Variants in PAPPA2 observed in about 807,000 individuals in gnomAD.
PAPPA2 encodes the protein pappalysin 2.
A neutral mutation model predicts 176.4 loss-of-function variants in PAPPA2; 86 were observed. The ratio of observed to expected loss-of-function variants is 0.49; its 90% CI spans 0.41 to 0.58. The LOEUF is 0.58. Among genes scored for constraint, PAPPA2 ranks in the 20% least tolerant of loss-of-function variants. The pLI is 0.00. For synonymous variants in PAPPA2, 809 were observed against 852.2 expected, an observed-to-expected ratio of 0.95 and a Z score of 0.88; for missense variants, 2,073 against 2,256.9, an observed-to-expected ratio of 0.92 and a Z score of 1.65.
chr1:176,821,199 C>A (rs1476722254), intron 21 of PAPPA2, among the ~76,000 whole-genome samples: 1 of 152,124 alleles, frequency 6.6e-6, no homozygotes, highest in African/African-American at 2.4e-5. Flanking sequence ...ATCAGAAATT[C>A]CCATCACAGT....
chr1:176,506,412 A>T (rs929588957), intron 1 of PAPPA2, among the ~76,000 whole-genome samples: 3 of 152,026 alleles, frequency 2.0e-5, no homozygotes, highest in Admixed American at 1.3e-4. Context: ...GTTTGACAAA[A>T]ATAGCACTAA....
At chr1:176,634,264 T>G (rs2102713537) in intron 3 of PAPPA2, among the ~76,000 whole-genome samples, 1 of 152,222 alleles carries the variant, frequency 6.6e-6, no homozygotes, top group African/African-American at 2.4e-5. Flanking sequence ...TATGCAGCCA[T>G]AAAATGATGA....
intron 7 of PAPPA2, 126 bp from the exon 8 acceptor site, chr1:176,698,974 A>T (rs370454176): frequency 1.6e-6 from 2 of 1,269,734 alleles, no homozygotes. Flanking sequence ...ACCTGCTAAG[A>T]TGACCAACTT....
intron 21 of PAPPA2, among the ~76,000 whole-genome samples, chr1:176,822,328 T>C (rs61821287): frequency 0.021 from 3,263 of 152,282 alleles, 48 homozygotes; most frequent in Non-Finnish European, 0.033. Context: ...TTAAAAGCAG[T>C]GAGGAACATC....
intron 14 of PAPPA2, among the ~76,000 whole-genome samples, chr1:176,756,012 A>G (rs910699166): frequency 6.6e-6 from 1 of 152,146 alleles, no homozygotes; most frequent in South Asian, 2.1e-4. Flanking sequence ...CCCAGGTTGG[A>G]GTGCAGCACA....
At chr1:176,810,532 T>A (rs1666103239) in intron 21 of PAPPA2, among the ~76,000 whole-genome samples, 1 of 152,196 alleles carries the variant, frequency 6.6e-6, no homozygotes, top group Non-Finnish European at 1.5e-5. Flanking sequence ...TATGAGAATC[T>A]AATGCCACCA....
chr1:176,626,822 G>A (rs1656051895), intron 3 of PAPPA2, among the ~76,000 whole-genome samples: 1 of 151,810 alleles, frequency 6.6e-6, no homozygotes. Flanking sequence ...GGAGCCCAGG[G>A]AAGGAAGTAC....
At chr1:176,682,467 A>T (rs1415182400) in intron 4 of PAPPA2, among the ~76,000 whole-genome samples, 1 of 152,088 alleles carries the variant, frequency 6.6e-6, no homozygotes, top group East Asian at 1.9e-4. Context: ...TTTTATTGTT[A>T]TGGATCTTAA....
rs73048111 is a variant in PAPPA2 at position 176,754,788 on chromosome 1, T to C, written c.4152-10878T>C. Among the ~76,000 whole-genome samples the C allele has an allele frequency of 4.8e-3, 732 of 152,330 alleles. 9 individuals are homozygous for C. Among genetic ancestry groups the C allele is most frequent in the Middle Eastern group, 0.017 (5 of 294 alleles). ...AGGAAACCAGTAGTATTTCCAAGGT[T>C]CTGTCATTTTGCCAGCCTGCCAAGG... On this transcript the variant is annotated intron_variant, in intron 14 of 22. Coordinates refer to ENST00000367662, the MANE Select transcript of PAPPA2 (RefSeq NM_020318.3).
intron 3 of PAPPA2, among the ~76,000 whole-genome samples, chr1:176,668,171 T>C (rs531628489): frequency 3.9e-5 from 6 of 152,260 alleles, no homozygotes; most frequent in African/African-American, 1.2e-4. Context: ...ATATGTCAGC[T>C]CCAAGGACAG....
intron 17 of PAPPA2, among the ~76,000 whole-genome samples, chr1:176,787,191 G>T (rs989837842): frequency 2.0e-5 from 3 of 151,944 alleles, no homozygotes; most frequent in African/African-American, 7.2e-5. Flanking sequence ...ATAGCTAGAA[G>T]ATACATGTCC....
intron 14 of PAPPA2, among the ~76,000 whole-genome samples, chr1:176,764,549 G>T (rs1663848550): frequency 1.3e-5 from 2 of 151,900 alleles, no homozygotes; most frequent in African/African-American, 2.4e-5. Flanking sequence ...TAACCTCTAT[G>T]GTTCTGCCAT....
At chr1:176,778,657 A>G (rs1664568125) in intron 17 of PAPPA2, among the ~76,000 whole-genome samples, 1 of 152,234 alleles carries the variant, frequency 6.6e-6, no homozygotes, top group Non-Finnish European at 1.5e-5. Flanking sequence ...CGGTGTGCCT[A>G]TACATTAATG....
intron 4 of PAPPA2, among the ~76,000 whole-genome samples, chr1:176,680,825 A>C (rs747292868): frequency 2.0e-5 from 3 of 152,204 alleles, no homozygotes; most frequent in Non-Finnish European, 4.4e-5. Context: ...GATGAATAGT[A>C]ATTATTGCTG....
chr1:176,464,924 A>G (rs1202464352), intron 1 of PAPPA2, among the ~76,000 whole-genome samples: 1 of 152,212 alleles, frequency 6.6e-6, no homozygotes, highest in African/African-American at 2.4e-5. Context: ...GTGGCTGGAT[A>G]GTGGTTATTG....
At chr1:176,558,347 C>T (rs1292977960) in intron 2 of PAPPA2, among the ~76,000 whole-genome samples, 6 of 152,146 alleles carry the variant, frequency 3.9e-5, no homozygotes, top group African/African-American at 9.7e-5. Context: ...GAAGATTTTC[C>T]GAATTAAGAA....
intron 1 of PAPPA2, among the ~76,000 whole-genome samples, chr1:176,466,447 TC>T (rs1448370179): frequency 3.3e-5 from 5 of 152,182 alleles, no homozygotes; most frequent in Non-Finnish European, 7.3e-5. Flanking sequence ...CATTCAGGCC[TC>T]CCTGGGTCAA....
chr1:176,466,761 C>T (rs954585023), intron 1 of PAPPA2, among the ~76,000 whole-genome samples: 20 of 152,078 alleles, frequency 1.3e-4, no homozygotes, highest in Non-Finnish European at 2.6e-4. Flanking sequence ...GCAGCACAGA[C>T]CGAAGGCCAA....
chr1:176,506,247 T>G (rs1024946591), intron 1 of PAPPA2, among the ~76,000 whole-genome samples: 4 of 152,084 alleles, frequency 2.6e-5, no homozygotes, highest in Non-Finnish European at 5.9e-5. Flanking sequence ...GTTTTGGTTA[T>G]TATTGCCTTA....
Sources: allele counts gnomAD v4.1 joint callset (sites outside exome capture counted in the v4.1 genomes callset), GRCh38; gene constraint gnomAD v4.1.1; transcripts MANE v1.5; gene names NCBI Gene and HGNC (gene_info 2026-07-23, HGNC 2026-07-21).